Variants in ATP10B observed in about 807,000 individuals in gnomAD.
ATP10B encodes the protein ATPase phospholipid transporting 10B (putative).
ATP10B carries 122 observed loss-of-function variants against 141.2 expected under a neutral mutation model. The ratio of observed to expected loss-of-function variants is 0.86; its 90% CI spans 0.75 to 1.00. ATP10B has a LOEUF of 1.00. ATP10B is among the 50% of genes least tolerant of loss of function. ATP10B has a pLI of 0.00. For missense variants in ATP10B, 1,876 were observed against 1,825.3 expected (o/e 1.03, Z -0.51); for synonymous variants, 685 against 692.0 (o/e 0.99, Z 0.16).
At chr5:160,649,736 A>G (rs1760568434) in intron 7 of ATP10B, among the ~76,000 whole-genome samples, 1 of 152,236 alleles carries the variant, frequency 6.6e-6, no homozygotes, top group African/African-American at 2.4e-5. Flanking sequence ...GAAATAGATA[A>G]TTAAAAAGAA....
At chr5:160,810,725 A>G (rs1367304432) in intron 1 of ATP10B, among the ~76,000 whole-genome samples, 4 of 152,188 alleles carry the variant, frequency 2.6e-5, no homozygotes, top group African/African-American at 9.7e-5. Context: ...TTATGAGGCT[A>G]TGTCCTTAGA....
intron 2 of ATP10B, among the ~76,000 whole-genome samples, chr5:160,767,646 C>G (rs980823923): frequency 2.3e-5 from 3 of 132,632 alleles, no homozygotes; most frequent in Non-Finnish European, 3.3e-5. Context: ...CCCCCCCCCC[C>G]AAAATAACAG....
the ATP10B span, among the ~76,000 whole-genome samples, chr5:160,865,249 G>T: frequency 3.4e-4 from 51 of 152,204 alleles, no homozygotes; most frequent in Non-Finnish European, 5.3e-4. Flanking sequence ...GAAGAGAATA[G>T]AGAACCCAGA....
chr5:160,612,049 T>G (rs1757747668), intron 18 of ATP10B: 1 of 152,198 alleles, frequency 6.6e-6, no homozygotes, highest in African/African-American at 2.4e-5. Context: ...GCTTTCCCAG[T>G]CTTCTCTCCA....
the ATP10B span, among the ~76,000 whole-genome samples, chr5:160,870,828 GCAGT>G: frequency 1.1e-4 from 17 of 152,056 alleles, no homozygotes; most frequent in East Asian, 5.8e-4. Flanking sequence ...AATTCTGAAA[GCAGT>G]CAGAGGGAAA....
At chr5:160,639,379 T>C (rs1759654443) in intron 10 of ATP10B, among the ~76,000 whole-genome samples, 1 of 152,162 alleles carries the variant, frequency 6.6e-6, no homozygotes, top group Admixed American at 6.6e-5. Context: ...TAGGATTAGG[T>C]CATAGATCTT....
At chr5:160,793,042 T>C (rs556531988) in intron 1 of ATP10B, among the ~76,000 whole-genome samples, 1 of 152,320 alleles carries the variant, frequency 6.6e-6, no homozygotes, top group South Asian at 2.1e-4. Flanking sequence ...CTGGAGTCAC[T>C]CTTGAAAATA....
intron 7 of ATP10B, among the ~76,000 whole-genome samples, chr5:160,658,948 T>A (rs140733241): frequency 1.3e-5 from 2 of 152,200 alleles, no homozygotes; most frequent in Non-Finnish European, 1.5e-5. Context: ...GAGTCTTAAC[T>A]AATCCGTATA....
In ATP10B at chr5:160,620,742, G is replaced by A. The variant is rs1758287757; in HGVS notation, c.2021C>T (p.Ser674Phe). The change falls in exon 15 of 26, where the codon TCC becomes TTC. Residue 674 changes from serine (S) to phenylalanine (F), a missense_variant. Coordinates refer to ENST00000327245, the MANE Select transcript of ATP10B (RefSeq NM_025153.3). ...GCTCCTGTAGCCACCGTCATCAGTG[G>A]AGTCACCTCCACTGCACACAGATGC... ...DDASVCSGGD[S>F]TDDGGYRSSM... 5 of 1,614,082 alleles carry A rather than the reference G, an allele frequency of 3.1e-6. No individual in the cohort carries two copies. Among genetic ancestry groups the A allele is most frequent in the African/African-American group, 1.3e-5 (1 of 74,926 alleles).
chr5:160,810,082 A>G (rs193089131), intron 1 of ATP10B, among the ~76,000 whole-genome samples: 2 of 152,228 alleles, frequency 1.3e-5, no homozygotes, highest in Non-Finnish European at 2.9e-5. Context: ...TACATGATGA[A>G]TTTTGCCAGG....
chr5:160,868,589 G>A, the ATP10B span, among the ~76,000 whole-genome samples: 13 of 139,488 alleles, frequency 9.3e-5, no homozygotes, highest in Admixed American at 1.4e-4. Context: ...ATATCTCTCT[G>A]ACCTGGAAGT....
chr5:160,573,322 C>G lies in ATP10B; in HGVS notation c.3751-3639G>C, dbSNP rs1432389800. Among the ~76,000 whole-genome samples, 5 of 152,370 alleles carry G rather than the reference C, an allele frequency of 3.3e-5. No individual in the cohort carries two copies. In the South Asian group the frequency reaches 1.0e-3, roughly 32 times the overall value. On this transcript the variant is annotated intron_variant, in intron 24 of 25. Coordinates refer to ENST00000327245, the MANE Select transcript of ATP10B (RefSeq NM_025153.3). ...CAGCTGCTGCACTGATCTTGGGCTTCTAGCCTCCAGAACCATGAGAAATGA... is the reference window on the plus strand; with the variant it reads ...CAGCTGCTGCACTGATCTTGGGCTTGTAGCCTCCAGAACCATGAGAAATGA...
At chr5:160,615,695 C>G (rs899075255) in intron 17 of ATP10B, 143 bp downstream of exon 17, 28 of 1,009,170 alleles carry the variant, frequency 2.8e-5, no homozygotes, top group Non-Finnish European at 4.1e-5. Flanking sequence ...TGGCATGGCC[C>G]ATTTGTGCCA....
intron 1 of ATP10B, among the ~76,000 whole-genome samples, chr5:160,821,328 G>C (rs942287216): frequency 2.0e-5 from 3 of 151,776 alleles, no homozygotes; most frequent in Admixed American, 6.6e-5. Flanking sequence ...GATCTTTATA[G>C]TAAAAACTAT....
At chr5:160,750,481 G>T (rs1768079089) in intron 2 of ATP10B, among the ~76,000 whole-genome samples, 1 of 152,070 alleles carries the variant, frequency 6.6e-6, no homozygotes, top group Admixed American at 6.5e-5. Context: ...AATAACTATT[G>T]TTGGTTCTAA....
Position 160,606,834 on chromosome 5 carries a change from T to A in ATP10B, c.3091A>T (p.Thr1031Ser). The A allele has an allele frequency of 6.2e-7, 1 of 1,614,126 alleles. No individual in the cohort carries two copies. Among genetic ancestry groups the A allele is most frequent in the Non-Finnish European group, 8.5e-7 (1 of 1,179,986 alleles). ...ACTATCATACTCTTCTGGAGTGGCG[T>A]GGAGCGGCAGCACAGGACGGACCGA... ...YCRSVLCCRS[T>S]PLQKSMIVKL... The change falls in exon 19 of 26, where the codon ACG becomes TCG. Residue 1031 changes from threonine to serine, a missense_variant. Physicochemically the swap from Thr to Ser is moderately conservative, Grantham distance 58. Coordinates refer to ENST00000327245, the MANE Select transcript of ATP10B (RefSeq NM_025153.3).
chr5:160,820,197 A>C (rs1773994438), intron 1 of ATP10B, among the ~76,000 whole-genome samples: 1 of 152,066 alleles, frequency 6.6e-6, no homozygotes, highest in Non-Finnish European at 1.5e-5. Flanking sequence ...AGTAGACCTT[A>C]CAACTGATAC....
At chr5:160,649,551 A>T (rs942825070) in intron 7 of ATP10B, among the ~76,000 whole-genome samples, 2 of 152,226 alleles carry the variant, frequency 1.3e-5, no homozygotes, top group Non-Finnish European at 2.9e-5. Context: ...TACTGCAATG[A>T]TGGAATGTTC....
chr5:160,740,564 G>A (rs1767398347), intron 2 of ATP10B, among the ~76,000 whole-genome samples: 1 of 152,126 alleles, frequency 6.6e-6, no homozygotes, highest in South Asian at 2.1e-4. Context: ...AATACCTGAA[G>A]GGCTATTGGG....
Sources: gnomAD v4.1 joint callset for allele counts (sites outside exome capture counted in the v4.1 genomes callset) on GRCh38, gnomAD v4.1.1 for gene constraint, MANE v1.5 for transcripts, NCBI Gene and HGNC (gene_info 2026-07-23, HGNC 2026-07-21) for gene names.